PRKDC: variants seen among roughly 807,000 people sequenced by gnomAD.
PRKDC encodes the protein DNA-dependent protein kinase catalytic subunit.
Under a neutral mutation model 486.9 loss-of-function variants are expected in PRKDC, and 82 were observed. That is an observed-to-expected ratio of 0.17 (90% CI 0.14 to 0.20). PRKDC has a LOEUF of 0.20. Among genes scored for constraint, PRKDC ranks in the 10% least tolerant of loss-of-function variants. The pLI is 1.00. For missense variants in PRKDC, 4,504 were observed against 5,038.2 expected (o/e 0.89, Z 3.21); for synonymous variants, 1,895 against 1,837.0 (o/e 1.03, Z -0.81).
chr8:47,948,653 G>C (rs1193067857), intron 7 of PRKDC, among the ~76,000 whole-genome samples: 1 of 151,164 alleles, frequency 6.6e-6, no homozygotes, highest in African/African-American at 2.4e-5. Flanking sequence ...GTAGAGACGG[G>C]GTTTCTCCAT....
intron 73 of PRKDC, among the ~76,000 whole-genome samples, chr8:47,797,625 G>A (rs946431779): frequency 6.6e-6 from 1 of 152,154 alleles, no homozygotes; most frequent in Admixed American, 6.5e-5. Flanking sequence ...AAGCCTTTCA[G>A]AGGCCCTACA....
chr8:47,917,224 C>A (rs1346212595), intron 22 of PRKDC, among the ~76,000 whole-genome samples: 2 of 152,020 alleles, frequency 1.3e-5, no homozygotes, highest in Non-Finnish European at 1.5e-5. Flanking sequence ...CAATGCACTC[C>A]ACCCTGGGTG....
intron 30 of PRKDC, among the ~76,000 whole-genome samples, chr8:47,893,923 T>C (rs2089519130): frequency 6.6e-6 from 1 of 152,224 alleles, no homozygotes; most frequent in Non-Finnish European, 1.5e-5. Flanking sequence ...TCAGTAGCAC[T>C]GAAAATGTCA....
chr8:47,921,307 T>C (rs369694917), intron 21 of PRKDC, among the ~76,000 whole-genome samples: 1 of 152,022 alleles, frequency 6.6e-6, no homozygotes, highest in African/African-American at 2.4e-5. Context: ...TCCAACTAAA[T>C]TGAATCATTA....
At chr8:47,801,157 T>C (rs1316946828) in intron 70 of PRKDC, among the ~76,000 whole-genome samples, 171 bp from the exon 71 acceptor site, 1 of 152,114 alleles carries the variant, frequency 6.6e-6, no homozygotes, top group Non-Finnish European at 1.5e-5. Context: ...CTGCAACCCC[T>C]GCCTACCAGG....
In PRKDC at chr8:47,944,046, A is replaced by C; in HGVS notation, c.722-17T>G. On this transcript the variant is annotated splice_polypyrimidine_tract_variant and intron_variant, in intron 7 of 85. Coordinates refer to ENST00000314191, the MANE Select transcript of PRKDC (RefSeq NM_006904.7). ...TCTGGGGATCTAGGGAAATACCAAGAAGCCTGTTACAAATCGTAATAACAG... is the reference window on the plus strand; with the variant it reads ...TCTGGGGATCTAGGGAAATACCAAGCAGCCTGTTACAAATCGTAATAACAG... 3.2e-6 allele frequency: 5 copies of C among 1,550,752 alleles called. No individual in the cohort carries two copies. The highest frequency in any genetic ancestry group is 4.4e-6 in the Non-Finnish European group (5 of 1,143,416).
intron 73 of PRKDC, among the ~76,000 whole-genome samples, chr8:47,795,532 G>A (rs1290023127): frequency 8.1e-6 from 1 of 123,366 alleles, no homozygotes; most frequent in South Asian, 2.6e-4. Flanking sequence ...TCACTGTATC[G>A]CTCAGGCTGG....
At position 47,882,007 on chromosome 8, in the gene PRKDC, G is replaced by T. The variant is rs1554638445; in HGVS notation, c.4867C>A (p.Leu1623Met). 2 of 1,614,064 alleles carry T rather than the reference G, an allele frequency of 1.2e-6. No homozygotes were observed. The highest frequency in any genetic ancestry group is 1.7e-6 in the Non-Finnish European group (2 of 1,179,898). Residue 1623 changes from leucine to methionine, a missense_variant, in exon 37 of 86, where the codon CTG becomes ATG. Leu to Met is a conservative substitution (Grantham distance 15). This residue lies in a region of PRKDC where 1,969 missense variants were observed against 2,068.9 expected (regional missense o/e 0.95). Coordinates refer to ENST00000314191, the MANE Select transcript of PRKDC (RefSeq NM_006904.7). ...GAATCACACTTCTTCCAGTGTTGCA[G>T]AATTGTAGTCGCAAGTTTCAGTCCT... ...HQGLKLATTI[L>M]QHWKKCDSWW...
chr8:47,774,868 T>G (rs2086576890), intron 85 of PRKDC, among the ~76,000 whole-genome samples: 3 of 152,112 alleles, frequency 2.0e-5, no homozygotes, highest in African/African-American at 4.8e-5. Flanking sequence ...GCTCTAGTTA[T>G]CCTCCTGCCT....
intron 36 of PRKDC, among the ~76,000 whole-genome samples, chr8:47,883,170 T>C (rs560106922): frequency 6.6e-6 from 1 of 152,330 alleles, no homozygotes; most frequent in Non-Finnish European, 1.5e-5. Context: ...TCTCACATAA[T>C]GGATAATCCA....
intron 21 of PRKDC, among the ~76,000 whole-genome samples, chr8:47,925,709 T>C (rs1286758283): frequency 6.6e-6 from 1 of 152,226 alleles, no homozygotes; most frequent in Non-Finnish European, 1.5e-5. Flanking sequence ...TCAAGATCTA[T>C]GACACCTTCG....
intron 73 of PRKDC, among the ~76,000 whole-genome samples, chr8:47,794,884 C>CTTTA (rs898999531): frequency 2.0e-4 from 30 of 152,078 alleles, no homozygotes; most frequent in Admixed American, 1.7e-3. Flanking sequence ...GTACACATAA[C>CTTTA]TTTATTTATT....
At chr8:47,943,136 T>G (rs1237746756) in intron 10 of PRKDC, 73 bp downstream of exon 10, 7 of 1,476,166 alleles carry the variant, frequency 4.7e-6, no homozygotes, top group Non-Finnish European at 6.4e-6. Flanking sequence ...TTTTCAAACA[T>G]GCATGCATGC....
chr8:47,873,623 C>G (rs375811966), intron 40 of PRKDC, among the ~76,000 whole-genome samples: 2 of 152,108 alleles, frequency 1.3e-5, no homozygotes, highest in African/African-American at 4.8e-5. Flanking sequence ...ATGTGTCCAT[C>G]AACAGACAAA....
intron 68 of PRKDC, 41 bp from the exon 69 acceptor site, chr8:47,807,367 T>C (rs781150919): frequency 4.1e-6 from 6 of 1,458,298 alleles, no homozygotes; most frequent in Non-Finnish European, 2.7e-6. Flanking sequence ...GACTCAGGAA[T>C]AGGAAGCTGC....
At chr8:47,859,538 A>C in intron 46 of PRKDC, 73 bp downstream of exon 46, 1 of 1,517,082 alleles carries the variant, frequency 6.6e-7, no homozygotes, top group Non-Finnish European at 9.0e-7. Flanking sequence ...CTGTAGTAAC[A>C]GCAAGGCATA....
intron 11 of PRKDC, among the ~76,000 whole-genome samples, chr8:47,938,625 G>A (rs1012218073): frequency 2.6e-5 from 4 of 151,946 alleles, no homozygotes; most frequent in African/African-American, 7.2e-5. Context: ...GCAGTGGCTC[G>A]ATCACAGCTC....
chr8:47,877,732 A>T lies in PRKDC; in HGVS notation c.5355T>A (p.Ile1785=), dbSNP rs769209492. Reference sequence around the variant, plus strand: ...AGGCCAGAATGACTTACCTTCTGGCAATCCTCCTGAAACTGGATTGAAATA... The same window carrying T: ...AGGCCAGAATGACTTACCTTCTGGCTATCCTCCTGAAACTGGATTGAAATA... The part of the protein sequence containing the change: ...EELFQSSFRR[I]ARRGSCVTQV... Residue 1785 remains isoleucine (I), a synonymous_variant, in exon 40 of 86, where the codon ATT becomes ATA. Transcript: ENST00000314191. The T allele has an allele frequency of 6.3e-7, 1 of 1,585,778 alleles. No homozygotes were observed. The highest frequency in any genetic ancestry group is 1.7e-5 in the Admixed American group (1 of 57,558).
At chr8:47,785,062 A>G (rs781179212) in intron 77 of PRKDC, 51 bp downstream of exon 77, 9 of 1,532,150 alleles carry the variant, frequency 5.9e-6, no homozygotes, top group South Asian at 2.3e-5. Flanking sequence ...TTCTTATTAC[A>G]GTGCTGTGCT....
Sources: allele counts gnomAD v4.1 joint callset (sites outside exome capture counted in the v4.1 genomes callset), GRCh38; gene constraint gnomAD v4.1.1; regional missense constraint gnomAD v4.1.1; transcripts MANE v1.5; gene names NCBI Gene and HGNC (gene_info 2026-07-23, HGNC 2026-07-21).